The following MFSD8 variants were observed in gnomAD, a reference collection of about 807,000 sequenced individuals.
The protein encoded by MFSD8 is major facilitator superfamily domain containing 8, also known as major facilitator superfamily domain-containing protein 8.
Under a neutral mutation model 66.4 loss-of-function variants are expected in MFSD8, and 55 were observed. The ratio of observed to expected loss-of-function variants is 0.83; its 90% CI spans 0.67 to 1.04. The LOEUF (loss-of-function observed/expected upper bound fraction) is 1.04, where lower values mean the gene tolerates loss of function less well. Among genes scored for constraint, MFSD8 ranks in the 50% least tolerant of loss-of-function variants. The pLI, the probability that MFSD8 is intolerant of heterozygous loss-of-function variation, is 0.00. For missense variants in MFSD8, 550 were observed against 627.6 expected, an observed-to-expected ratio of 0.88 and a Z score of 1.32; for synonymous variants, 202 against 212.8, an observed-to-expected ratio of 0.95 and a Z score of 0.44.
At chr4:127,957,748 TA>T (rs1384315361) in intron 1 of MFSD8, among the ~76,000 whole-genome samples, 156 bp from the exon 2 acceptor site, 3 of 152,342 alleles carry the variant, frequency 2.0e-5, no homozygotes, top group East Asian at 3.9e-4. Flanking sequence ...GAATAAGCAT[TA>T]TTTTTTTGAA....
Position 127,940,002 on chromosome 4 carries a change from T to A in MFSD8, c.554-5A>T. 1.9e-6 allele frequency: 3 copies of A among 1,611,788 alleles called. No individual in the cohort carries two copies. The highest frequency in any genetic ancestry group is 2.5e-6 in the Non-Finnish European group (3 of 1,178,796). ...ATGTAAAACAAGTCTGAAAAACTTA[T>A]TAAGATAAAATTTTCACAGATGAAT... On this transcript the variant is annotated splice_polypyrimidine_tract_variant and splice_region_variant and intron_variant, in intron 5 of 11. Coordinates refer to ENST00000641686, the MANE Select transcript of MFSD8 (RefSeq NM_001371596.2).
Position 127,938,598 on chromosome 4 carries a change from AATAAAT to A in MFSD8, c.754+179_754+184del, listed in dbSNP as rs1363426118. On this transcript the variant is annotated intron_variant, in intron 7 of 11. Coordinates refer to ENST00000641686, the MANE Select transcript of MFSD8 (RefSeq NM_001371596.2). ...ACTCTGTCTCAAAAAAAAAAAAATA[AATAAAT>A]AAATAAATAAATAAATAAATAAATA... Among the ~76,000 whole-genome samples the A allele has an allele frequency of 1.1e-3, 132 of 121,110 alleles. 5 individuals carry two copies. Among genetic ancestry groups the A allele is most frequent in the African/African-American group, 5.2e-3 (130 of 25,160 alleles). The allele number at this position is 121,110 out of a possible 152,430, so 79.5% of individuals were successfully genotyped here.
At chr4:127,949,759 C>T (rs1741637275) in intron 3 of MFSD8, 45 bp downstream of exon 3, 1 of 1,525,978 alleles carries the variant, frequency 6.6e-7, no homozygotes, top group African/African-American at 1.4e-5. Flanking sequence ...GTAAGAGTTA[C>T]TACTACTGTA....
At chr4:127,922,484 G>T (rs1315237079) in intron 9 of MFSD8, among the ~76,000 whole-genome samples, 8 of 152,012 alleles carry the variant, frequency 5.3e-5, no homozygotes, top group Admixed American at 4.6e-4. Flanking sequence ...AATTAGCCAG[G>T]AGTGGTATTT....
chr4:127,923,775 G>C (rs1736750096), intron 9 of MFSD8, among the ~76,000 whole-genome samples: 1 of 150,686 alleles, frequency 6.6e-6, no homozygotes, highest in South Asian at 2.1e-4. Context: ...TAGAGATGGG[G>C]TTTCACTGTG....
At chr4:127,923,551 A>ATTTATT (rs1553944529) in intron 9 of MFSD8, among the ~76,000 whole-genome samples, 9 of 100,306 alleles carry the variant, frequency 9.0e-5, no homozygotes, top group Admixed American at 6.0e-4. Context: ...TTTTATTTTT[A>ATTTATT]TTTATTATTA....
chr4:127,934,202 A>C (rs2148886355), intron 7 of MFSD8, among the ~76,000 whole-genome samples: 1 of 152,354 alleles, frequency 6.6e-6, no homozygotes, highest in African/African-American at 2.4e-5. Flanking sequence ...AGATTGAGCC[A>C]CTGCACTTCA....
chr4:127,961,555 C>A (rs1743740443), intron 1 of MFSD8, among the ~76,000 whole-genome samples: 1 of 152,110 alleles, frequency 6.6e-6, no homozygotes, highest in Non-Finnish European at 1.5e-5. Context: ...TGGCTCACAC[C>A]TGTAATCCCA....
chr4:127,956,567 G>A (rs948374457), intron 2 of MFSD8, among the ~76,000 whole-genome samples: 3 of 150,926 alleles, frequency 2.0e-5, no homozygotes, highest in South Asian at 2.1e-4. Context: ...GCCTGTAATC[G>A]CAGCACTTTG....
At chr4:127,955,539 C>CA (rs34570244) in intron 2 of MFSD8, among the ~76,000 whole-genome samples, 3,636 of 102,556 alleles carry the variant, frequency 0.035, 152 homozygotes, top group African/African-American at 0.11. Context: ...GACTTTGTCT[C>CA]AAAAAAAAAA....
chr4:127,938,348 C>A (rs1739419317), intron 7 of MFSD8, among the ~76,000 whole-genome samples: 1 of 151,906 alleles, frequency 6.6e-6, no homozygotes, highest in Non-Finnish European at 1.5e-5. Context: ...CTTTGGGAGG[C>A]CGAGGCGGGT....
At chr4:127,940,783 T>C (rs1305588035) in intron 5 of MFSD8, among the ~76,000 whole-genome samples, 1 of 150,876 alleles carries the variant, frequency 6.6e-6, no homozygotes, top group Non-Finnish European at 1.5e-5. Context: ...AGTACTGGTT[T>C]GCTCTTCTGA....
intron 2 of MFSD8, among the ~76,000 whole-genome samples, chr4:127,951,281 G>A (rs975703890): frequency 5.3e-5 from 8 of 152,060 alleles, no homozygotes; most frequent in African/African-American, 1.9e-4. Flanking sequence ...CCAGGCTGGA[G>A]TGTAGTGACC....
intron 3 of MFSD8, 144 bp from the exon 4 acceptor site, chr4:127,944,136 A>G (rs1740656198): frequency 8.9e-7 from 1 of 1,118,126 alleles, no homozygotes; most frequent in South Asian, 1.5e-5. Flanking sequence ...TACTTATAGT[A>G]AGGGATTCAA....
intron 4 of MFSD8, chr4:127,943,486 C>T: frequency 2.5e-6 from 1 of 399,006 alleles, no homozygotes; most frequent in Non-Finnish European, 4.6e-6. Flanking sequence ...TCCTGAGTAG[C>T]TGGTATTATA....
At position 127,939,959 on chromosome 4, in the gene MFSD8, C is replaced by T. The variant is rs377029630; in HGVS notation, c.592G>A (p.Val198Met). 33 of 1,613,348 alleles carry T rather than the reference C, an allele frequency of 2.0e-5. No homozygotes were observed. The African/African-American group carries it at 2.8e-4, about 14-fold the overall frequency. The stretch of plus-strand genomic sequence containing the variant: ...TGCAGTTTAATCACATCCCATGTCA[C>T]ACCTTTTTCTCCAAGGAATGTAAAA... ...TCFTFLGEKGVTWDVIKLQIN... is the reference protein window; with the variant it reads ...TCFTFLGEKGMTWDVIKLQIN... Residue 198 changes from valine to methionine, a missense_variant, in exon 6 of 12, where the codon GTG becomes ATG. Physicochemically the swap from Val to Met is conservative, Grantham distance 21. Coordinates refer to ENST00000641686, the MANE Select transcript of MFSD8 (RefSeq NM_001371596.2).
chr4:127,927,264 C>A (rs1737367855), intron 9 of MFSD8, among the ~76,000 whole-genome samples: 1 of 152,076 alleles, frequency 6.6e-6, no homozygotes, highest in Non-Finnish European at 1.5e-5. Context: ...CAACCTCCAC[C>A]TCCTGGGTTC....
upstream of MFSD8, chr4:127,965,622 G>C: frequency 4.4e-6 from 1 of 228,418 alleles, no homozygotes; most frequent in South Asian, 5.2e-5. Context: ...TAGCCGGTCC[G>C]GTTAAGTAGT....
At chr4:127,965,402 G>C, upstream of MFSD8, 1 of 577,590 alleles carries the variant, frequency 1.7e-6, no homozygotes, top group Non-Finnish European at 3.1e-6. Context: ...CTCGGGGCGT[G>C]TCCAAACTGC....
Sources: allele counts gnomAD v4.1 joint callset (sites outside exome capture counted in the v4.1 genomes callset), GRCh38; gene constraint gnomAD v4.1.1; transcripts MANE v1.5; gene names NCBI Gene and HGNC (gene_info 2026-07-23, HGNC 2026-07-21).